P2RX7: variants seen among roughly 807,000 people sequenced by gnomAD.
The protein encoded by P2RX7 is purinergic receptor P2X 7, also known as P2X purinoceptor 7.
In P2RX7, 62 loss-of-function variants were observed where a neutral mutation model predicts 71.6. The observed-to-expected ratio is 0.87, with a 90% confidence interval of 0.71 to 1.07. The LOEUF is 1.07. P2RX7 is among the 50% of genes least tolerant of loss of function. The pLI, the probability that P2RX7 is intolerant of heterozygous loss-of-function variation, is 0.00. For synonymous variants in P2RX7, 299 were observed against 283.3 expected (o/e 1.06, Z -0.56); for missense variants, 686 against 748.5 (o/e 0.92, Z 0.97).
At chr12:121,177,480 T>C (rs1653598) in intron 11 of P2RX7, 34 bp downstream of exon 11, 617,414 of 1,601,268 alleles carry the variant, frequency 0.39, 122,237 homozygotes, top group African/African-American at 0.45. Context: ...CACCAAGACA[T>C]GGAGAGATTC....
chr12:121,163,569 GATAA>G (rs1432661977), intron 5 of P2RX7, among the ~76,000 whole-genome samples: 2 of 96,466 alleles, frequency 2.1e-5, no homozygotes, highest in South Asian at 3.2e-4. Flanking sequence ...TAGATAGATA[GATAA>G]ATAGATAATA....
chr12:121,152,124 C>T (rs1418642671), intron 1 of P2RX7, among the ~76,000 whole-genome samples: 3 of 151,954 alleles, frequency 2.0e-5, no homozygotes, highest in Non-Finnish European at 2.9e-5. Context: ...GGATTACAGG[C>T]GCACACCACC....
At chr12:121,163,746 T>C (rs1405433950) in intron 5 of P2RX7, among the ~76,000 whole-genome samples, 1 of 152,142 alleles carries the variant, frequency 6.6e-6, no homozygotes, top group African/African-American at 2.4e-5. Context: ...GTTTGAGCCA[T>C]TGCTCCCAGC....
chr12:121,178,791 C>CAA (rs386377968), intron 11 of P2RX7, among the ~76,000 whole-genome samples: 7,378 of 66,172 alleles, frequency 0.11, 519 homozygotes, highest in South Asian at 0.17. Flanking sequence ...AACTCTGTCT[C>CAA]AAAAAAAAAA....
In P2RX7 at chr12:121,154,511, T is replaced by A. The variant is rs1292249753; in HGVS notation, c.126-274T>A. 6.6e-6 allele frequency among the ~76,000 whole-genome samples: 1 copy of A among 152,102 alleles called. No individual in the cohort carries two copies. Among genetic ancestry groups the A allele is most frequent in the Non-Finnish European group, 1.5e-5 (1 of 68,002 alleles). ...GTCCATGTTAGGGAATATTAAAGAA[T>A]AGGATTGGGGGCAGTAGCTTTCCTG... On this transcript the variant is annotated intron_variant, in intron 1 of 12. Coordinates refer to ENST00000328963, the MANE Select transcript of P2RX7 (RefSeq NM_002562.6). This position sits in a 1 kb window ranked among gnomAD's most constrained non-coding sequence, Gnocchi z 4.2.
At chr12:121,157,076 T>A (rs757167746) in intron 3 of P2RX7, among the ~76,000 whole-genome samples, 14 of 152,178 alleles carry the variant, frequency 9.2e-5, no homozygotes, top group Non-Finnish European at 1.9e-4. Context: ...TTCTTCTAAG[T>A]TTATCTATAC....
intron 1 of P2RX7, among the ~76,000 whole-genome samples, chr12:121,139,140 C>T (rs1874308092): frequency 6.6e-6 from 1 of 152,128 alleles, no homozygotes. Flanking sequence ...CGGGGTTTTG[C>T]CATGTTGGCC....
At position 121,183,070 on chromosome 12, in the gene P2RX7, G is replaced by A. The variant is rs954243249; in HGVS notation, c.1291-1235G>A. On this transcript the variant is annotated intron_variant, in intron 12 of 12. Transcript: ENST00000328963. ...CAGGCGCCTGTAGTCCCAGCTACTC[G>A]GGAGGCTGAGGCAGGAGAATGGCGT... Among the ~76,000 whole-genome samples the A allele has an allele frequency of 2.2e-4, 33 of 150,916 alleles. No homozygotes were observed. The East Asian group carries it at 3.6e-3, about 16-fold the overall frequency.
chr12:121,136,023 A>ATATATATATATATAT (rs1281670064), intron 1 of P2RX7, among the ~76,000 whole-genome samples: 1 of 15,260 alleles, frequency 6.6e-5, no homozygotes, highest in Non-Finnish European at 1.8e-4. Flanking sequence ...AAAAAAAAAA[A>ATATATATATATATAT]ATATATATAT....
intron 4 of P2RX7, among the ~76,000 whole-genome samples, chr12:121,161,361 TTTTG>T (rs1159097166): frequency 6.6e-6 from 1 of 152,214 alleles, no homozygotes; most frequent in African/African-American, 2.4e-5. Flanking sequence ...GCAGAATTTT[TTTTG>T]TTTTTTATTT....
At chr12:121,144,274 T>A (rs1875658551) in intron 1 of P2RX7, among the ~76,000 whole-genome samples, 1 of 152,142 alleles carries the variant, frequency 6.6e-6, no homozygotes, top group Admixed American at 6.6e-5. Context: ...CTCGCCTCAC[T>A]TCGACCTCTA....
At chr12:121,179,741 C>A (rs1049771667) in intron 11 of P2RX7, among the ~76,000 whole-genome samples, 2 of 152,104 alleles carry the variant, frequency 1.3e-5, no homozygotes, top group Non-Finnish European at 2.9e-5. Flanking sequence ...GATACTGAAT[C>A]TAGAGTTACT....
intron 1 of P2RX7, chr12:121,148,880 G>C (rs1876817635): frequency 3.0e-6 from 1 of 333,160 alleles, no homozygotes; most frequent in South Asian, 2.5e-5. Flanking sequence ...GCACAGTCCT[G>C]GCGCTACTGT....
chr12:121,143,484 G>A (rs1875452597), intron 1 of P2RX7, among the ~76,000 whole-genome samples: 1 of 151,904 alleles, frequency 6.6e-6, no homozygotes, highest in Non-Finnish European at 1.5e-5. Flanking sequence ...ATCCTGGGAG[G>A]TTGAGGCTGC....
chr12:121,170,932 C>T (rs942389808), intron 8 of P2RX7, among the ~76,000 whole-genome samples: 3 of 152,126 alleles, frequency 2.0e-5, no homozygotes, highest in Non-Finnish European at 4.4e-5. Flanking sequence ...AGAAGTTGAT[C>T]ACATTACAGA....
chr12:121,168,211 C>T (rs1198781040), intron 8 of P2RX7, among the ~76,000 whole-genome samples: 1 of 152,072 alleles, frequency 6.6e-6, no homozygotes, highest in Admixed American at 6.5e-5. Context: ...ATGATCATAA[C>T]ATTCCATTTT....
intron 6 of P2RX7, 125 bp from the exon 7 acceptor site, chr12:121,165,933 A>G: frequency 1.0e-6 from 1 of 976,410 alleles, no homozygotes; most frequent in Non-Finnish European, 1.5e-6. Flanking sequence ...CAGGGGTCCC[A>G]GGAGGCAGTG....
chr12:121,155,792 TAAAAAA>T (rs112882112), intron 2 of P2RX7, among the ~76,000 whole-genome samples: 8 of 146,176 alleles, frequency 5.5e-5, no homozygotes, highest in Non-Finnish European at 1.2e-4. Flanking sequence ...TTTTACTGCG[TAAAAAA>T]AAAACAAAAA....
chr12:121,135,721 G>C (rs1437326000), intron 1 of P2RX7, among the ~76,000 whole-genome samples: 1 of 151,624 alleles, frequency 6.6e-6, no homozygotes, highest in Non-Finnish European at 1.5e-5. Flanking sequence ...ATATATGCTG[G>C]GTCCGGCATG....
Sources: gnomAD v4.1 joint callset for allele counts (sites outside exome capture counted in the v4.1 genomes callset) on GRCh38, gnomAD v4.1.1 for gene constraint, Gnocchi (gnomAD v3.1) non-coding constraint, MANE v1.5 for transcripts, NCBI Gene and HGNC (gene_info 2026-07-23, HGNC 2026-07-21) for gene names.